AMPD3: variants seen among roughly 807,000 people sequenced by gnomAD.
AMPD3 encodes the protein adenosine monophosphate deaminase 3.
In AMPD3, 57 loss-of-function variants were observed where a neutral mutation model predicts 82.3. The ratio of observed to expected loss-of-function variants is 0.69; its 90% CI spans 0.56 to 0.86. The LOEUF (loss-of-function observed/expected upper bound fraction) is 0.86. Ranked by LOEUF, AMPD3 falls within the 40% of genes least tolerant of loss-of-function variation. The pLI is 0.00. For missense variants in AMPD3, 870 were observed against 1,003.8 expected, an observed-to-expected ratio of 0.87 and a Z score of 1.80; for synonymous variants, 381 against 394.7, an observed-to-expected ratio of 0.97 and a Z score of 0.41.
chr11:10,505,110 A>T, intron 14 of AMPD3: 2 of 985,224 alleles, frequency 2.0e-6, no homozygotes, highest in Non-Finnish European at 2.4e-6. Flanking sequence ...CAGTATCTAG[A>T]CTGAATAAAA....
chr11:10,455,113 C>T (rs1848054632), upstream of AMPD3: 1 of 984,852 alleles, frequency 1.0e-6, no homozygotes, highest in Admixed American at 6.2e-5. Context: ...CAGCTAGCCT[C>T]CCGGTAAACA....
chr11:10,483,190 G>C (rs1391970306), intron 4 of AMPD3, among the ~76,000 whole-genome samples: 1 of 152,170 alleles, frequency 6.6e-6, no homozygotes, highest in African/African-American at 2.4e-5. Flanking sequence ...GGGAAGGGGA[G>C]GTCGGAGAGG....
chr11:10,450,424 G>A, upstream of AMPD3: 5 of 985,990 alleles, frequency 5.1e-6, no homozygotes, highest in Non-Finnish European at 4.8e-6. Context: ...CTTGCGGGTT[G>A]CTGCAACTAC....
At chr11:10,483,042 A>G (rs1213797199) in intron 4 of AMPD3, among the ~76,000 whole-genome samples, 1 of 152,182 alleles carries the variant, frequency 6.6e-6, no homozygotes. Flanking sequence ...GTAATCTGTA[A>G]ATGGAAATGC....
chr11:10,496,741 C>G, intron 9 of AMPD3, 71 bp from the exon 10 acceptor site: 1 of 1,612,434 alleles, frequency 6.2e-7, no homozygotes, highest in Non-Finnish European at 8.5e-7. Flanking sequence ...GAGGAAGTGA[C>G]TGGGGCTGGT....
intron 6 of AMPD3, among the ~76,000 whole-genome samples, chr11:10,487,934 A>ACCTGCACAT (rs1849123733): frequency 6.6e-6 from 1 of 152,178 alleles, no homozygotes; most frequent in Non-Finnish European, 1.5e-5. Context: ...TATGTAACAA[A>ACCTGCACAT]CCTGCACATC....
Position 10,461,271 on chromosome 11 carries a change from A to C in AMPD3, c.-5-244A>C. On this transcript the variant is annotated intron_variant, in intron 1 of 14. Coordinates refer to ENST00000396553, the MANE Select transcript of AMPD3 (RefSeq NM_001025389.2). ...AAAATGGAAGCCCACCTAGTTGAAC[A>C]GTTCATTCTTTGAATTTTGAACACT... is the stretch of plus-strand genomic sequence containing the variant. 2.7e-6 allele frequency: 4 copies of C among 1,454,952 alleles called. No individual in the cohort carries two copies. In the South Asian group the frequency reaches 4.9e-5, roughly 18 times the overall value. The allele number at this position is 1,454,952 out of a possible 1,614,324, so 90.1% of individuals were successfully genotyped here. A position where few individuals can be genotyped will look rare whatever the true frequency, so the allele number is the denominator to read the frequency against.
chr11:10,465,924 G>A (rs528854683), intron 2 of AMPD3, among the ~76,000 whole-genome samples: 15 of 151,846 alleles, frequency 9.9e-5, no homozygotes, highest in African/African-American at 3.4e-4. Context: ...GGAGCCAAGT[G>A]GTCTGGCTTG....
At chr11:10,488,300 C>CAAG (rs1849138798) in intron 6 of AMPD3, 2 of 985,402 alleles carry the variant, frequency 2.0e-6, no homozygotes, top group Non-Finnish European at 2.4e-6. Context: ...TGATGGTGAG[C>CAAG]AAGAGTCACT....
chr11:10,485,620 A>AT (rs1233231371), intron 5 of AMPD3, among the ~76,000 whole-genome samples: 3 of 152,036 alleles, frequency 2.0e-5, no homozygotes, highest in Non-Finnish European at 4.4e-5. Context: ...AATGGCTGTC[A>AT]TCCCTCTCCC....
At chr11:10,470,039 CAAAAAAA>C (rs58806706) in intron 2 of AMPD3, among the ~76,000 whole-genome samples, 1 of 101,820 alleles carries the variant, frequency 9.8e-6, no homozygotes, top group South Asian at 3.3e-4. Context: ...GACTCCGTCT[CAAAAAAA>C]AAAAAAAAAA....
intron 2 of AMPD3, among the ~76,000 whole-genome samples, chr11:10,465,281 G>T (rs566459159): frequency 1.3e-5 from 2 of 152,312 alleles, no homozygotes; most frequent in South Asian, 4.1e-4. Flanking sequence ...ATCATAACTG[G>T]ATAATACAGT....
In AMPD3 at chr11:10,462,411, TG is replaced by T. The variant is rs1848297584; in HGVS notation, c.221+673del. Among the ~76,000 whole-genome samples the T allele has an allele frequency of 5.3e-5, 8 of 152,270 alleles. No homozygotes were observed. In the South Asian group the frequency reaches 1.7e-3, roughly 32 times the overall value. On this transcript the variant is annotated intron_variant, in intron 2 of 14. Coordinates refer to ENST00000396553, the MANE Select transcript of AMPD3 (RefSeq NM_001025389.2). ...GTGACAAGGAAAGCAGTAGTGTTTC[TG>T]GAGCCAAGGTGGAGTCGCCCTGGGG...
intron 2 of AMPD3, among the ~76,000 whole-genome samples, chr11:10,472,124 T>C (rs1381639888): frequency 1.1e-4 from 16 of 152,086 alleles, no homozygotes; most frequent in Non-Finnish European, 2.4e-4. Context: ...ATAAAAAAGA[T>C]GGGTTCATGT....
intron 4 of AMPD3, among the ~76,000 whole-genome samples, chr11:10,483,104 T>C (rs1848961818): frequency 6.6e-6 from 1 of 152,206 alleles, no homozygotes; most frequent in African/African-American, 2.4e-5. Context: ...GGAGAATGCA[T>C]GTGAAGTACT....
intron 3 of AMPD3, chr11:10,480,033 A>T: frequency 1.1e-6 from 1 of 888,790 alleles, no homozygotes; most frequent in Non-Finnish European, 1.3e-6. Context: ...GAATGGGAGG[A>T]TGTCAGCCTG....
At chr11:10,477,169 T>G in intron 2 of AMPD3, 1 of 953,290 alleles carries the variant, frequency 1.0e-6, no homozygotes, top group Non-Finnish European at 1.2e-6. Context: ...CTGAAACTTA[T>G]TTGGGGATCA....
intron 2 of AMPD3, among the ~76,000 whole-genome samples, chr11:10,472,205 A>G (rs1199187923): frequency 6.6e-6 from 1 of 152,104 alleles, no homozygotes; most frequent in African/African-American, 2.4e-5. Context: ...AGAAAACCAA[A>G]CATCGCATGT....
intron 5 of AMPD3, chr11:10,487,012 T>C: frequency 1.0e-6 from 1 of 985,280 alleles, no homozygotes; most frequent in Non-Finnish European, 1.2e-6. Flanking sequence ...GTCCCAGAGC[T>C]GGCCTGCTAC....
Sources: allele counts gnomAD v4.1 joint callset (sites outside exome capture counted in the v4.1 genomes callset), GRCh38; gene constraint gnomAD v4.1.1; transcripts MANE v1.5; gene names NCBI Gene and HGNC (gene_info 2026-07-23, HGNC 2026-07-21).